The following ADGRG3 variants were observed in gnomAD, a reference collection of about 807,000 sequenced individuals.
ADGRG3 encodes G protein-coupled receptor 97.
A neutral mutation model predicts 54.3 loss-of-function variants in ADGRG3; 39 were observed. The observed-to-expected ratio is 0.72, with a 90% CI of 0.56 to 0.94. ADGRG3 has a LOEUF of 0.94. ADGRG3 is among the 40% of genes least tolerant of loss of function. The pLI, the probability that ADGRG3 is intolerant of heterozygous loss-of-function variation, is 0.00. For missense variants in ADGRG3, 654 were observed against 694.6 expected, an observed-to-expected ratio of 0.94 and a Z score of 0.66; for synonymous variants, 312 against 290.0, an observed-to-expected ratio of 1.08 and a Z score of -0.77.
Position 57,679,844 on chromosome 16 carries a change from A to G in ADGRG3, c.656A>G (p.Asp219Gly). 1 of 1,611,878 alleles carries G rather than the reference A, an allele frequency of 6.2e-7. No individual in the cohort carries two copies. Reference protein sequence around the residue: ...PNMTLTCVFWDVTKGTTGDWS... With the variant: ...PNMTLTCVFWGVTKGTTGDWS... ...ATGACCCTCACCTGTGTATTCTGGGATGTGACTAAAGGTAGGGCCCGGAGG... is the reference window on the plus strand; with the variant it reads ...ATGACCCTCACCTGTGTATTCTGGGGTGTGACTAAAGGTAGGGCCCGGAGG... The change falls in exon 6 of 12, where the codon GAT becomes GGT. Residue 219 changes from aspartate to glycine, a missense_variant. Coordinates refer to ENST00000333493, the MANE Select transcript of ADGRG3 (RefSeq NM_170776.5).
In ADGRG3 at chr16:57,688,594, G is replaced by C; in HGVS notation, c.*133G>C. Reference sequence around the variant, plus strand: ...CTGGGGAGGGAGAGGATGGGACCAGGTTGGACCACGTGGCATCAGAGGTCC... The same window carrying C: ...CTGGGGAGGGAGAGGATGGGACCAGCTTGGACCACGTGGCATCAGAGGTCC... On this transcript the variant is annotated 3_prime_UTR_variant, in exon 12 of 12. Transcript: ENST00000333493. 1.5e-6 allele frequency: 1 copy of C among 676,310 alleles called. No homozygotes were observed. The highest frequency in any genetic ancestry group is 2.7e-6 in the Non-Finnish European group (1 of 370,964). The allele number at this position is 676,310 out of a possible 1,614,324, so 41.9% of individuals were successfully genotyped here. A position where few individuals can be genotyped will look rare whatever the true frequency, so the allele number is the denominator to read the frequency against.
chr16:57,685,653 C>T lies in ADGRG3; in HGVS notation c.1267C>T (p.Arg423Cys), dbSNP rs145744435. Residue 423 changes from arginine to cysteine, a missense_variant, in exon 11 of 12, where the codon CGT becomes TGT. Arg to Cys is a radical substitution (Grantham distance 180). Coordinates refer to ENST00000333493, the MANE Select transcript of ADGRG3 (RefSeq NM_170776.5). ...TGCCCCCTCCTCCAGATGCTGGTTCCGTGAAGGGACAACCATGTACGCCCT... is the reference window on the plus strand; with the variant it reads ...TGCCCCCTCCTCCAGATGCTGGTTCTGTGAAGGGACAACCATGTACGCCCT... ...NRTSLELCWFREGTTMYALYI... is the reference protein window; with the variant it reads ...NRTSLELCWFCEGTTMYALYI... 17 of 1,613,848 alleles carry T rather than the reference C, an allele frequency of 1.1e-5. No homozygotes were observed. The African/African-American group carries it at 1.7e-4, about 16-fold the overall frequency.
At chr16:57,686,871 G>T (rs772205094) in intron 11 of ADGRG3, 1 of 152,274 alleles carries the variant, frequency 6.6e-6, no homozygotes, top group Non-Finnish European at 1.5e-5. Context: ...GGCCCCCGCA[G>T]GGCCCTTCCT....
chr16:57,674,988 TC>T (rs1384767180), intron 2 of ADGRG3, among the ~76,000 whole-genome samples: 2 of 63,336 alleles, frequency 3.2e-5, no homozygotes, highest in Admixed American at 4.3e-4. Flanking sequence ...AGAGTGAGAC[TC>T]CATCTCAAAA....
chr16:57,680,405 G>A (rs144943621), intron 7 of ADGRG3, 40 bp downstream of exon 7: 16 of 1,583,048 alleles, frequency 1.0e-5, no homozygotes, highest in Non-Finnish European at 1.4e-5. Context: ...CATCCCAGGG[G>A]CTTCCAGCTC....
intron 1 of ADGRG3, among the ~76,000 whole-genome samples, chr16:57,670,148 C>G (rs1304957769): frequency 6.6e-6 from 1 of 152,208 alleles, no homozygotes; most frequent in Admixed American, 6.5e-5. Context: ...CTCCAGTCCA[C>G]TTTCCACTTG....
At chr16:57,674,856 C>G (rs2048230231) in intron 2 of ADGRG3, among the ~76,000 whole-genome samples, 1 of 149,878 alleles carries the variant, frequency 6.7e-6, no homozygotes, top group South Asian at 2.1e-4. Context: ...AATTGCCAGG[C>G]TTGGTGACAG....
At position 57,673,407 on chromosome 16, in the gene ADGRG3, T is replaced by A. The variant is rs771205283; in HGVS notation, c.145T>A (p.Leu49Met). ...CATCTTCAACTTGAATGACAAGGCT[T>A]TGTGCTTCACCAAGTGCAGGCAGTC... The part of the protein sequence containing the change: ...YDIFNLNDKA[L>M]CFTKCRQSGS... The change falls in exon 2 of 12, where the codon TTG (leucine) becomes ATG (methionine). Residue 49 changes from leucine (L) to methionine (M), a missense_variant. Leu to Met is a conservative substitution (Grantham distance 15). Coordinates refer to ENST00000333493, the MANE Select transcript of ADGRG3 (RefSeq NM_170776.5). 5.6e-6 allele frequency: 9 copies of A among 1,613,342 alleles called. No individual in the cohort carries two copies. In the South Asian group the frequency reaches 9.9e-5, roughly 18 times the overall value.
At chr16:57,681,371 T>C (rs1249082183) in intron 8 of ADGRG3, among the ~76,000 whole-genome samples, 4 of 84,712 alleles carry the variant, frequency 4.7e-5, no homozygotes, top group Non-Finnish European at 9.5e-5. Context: ...TGTGTGTGTG[T>C]GTGTGCGCGC....
upstream of ADGRG3, among the ~76,000 whole-genome samples, chr16:57,665,996 A>G (rs1369831279): frequency 4.5e-5 from 2 of 44,630 alleles, no homozygotes; most frequent in African/African-American, 1.7e-4. Flanking sequence ...CTCTGTCCCC[A>G]CCTTTCTGCA....
At chr16:57,679,048 G>A in intron 4 of ADGRG3, 129 bp from the exon 5 acceptor site, 2 of 1,075,084 alleles carry the variant, frequency 1.9e-6, no homozygotes, top group Middle Eastern at 2.9e-4. Flanking sequence ...TGGCTCCCTG[G>A]TCCCCTGGTC....
At chr16:57,682,117 C>T (rs2048384238) in intron 8 of ADGRG3, among the ~76,000 whole-genome samples, 1 of 152,218 alleles carries the variant, frequency 6.6e-6, no homozygotes, top group Admixed American at 6.5e-5. Context: ...ACGGGCGTTC[C>T]TTAGGGAAAC....
chr16:57,680,422 T>G, intron 7 of ADGRG3, 57 bp downstream of exon 7: 1 of 1,567,144 alleles, frequency 6.4e-7, no homozygotes, highest in Non-Finnish European at 8.8e-7. Context: ...GCTCCTGCCC[T>G]GGGGAGGGGG....
chr16:57,668,072 A>G (rs987931253), upstream of ADGRG3: 19 of 550,172 alleles, frequency 3.5e-5, no homozygotes, highest in South Asian at 4.0e-4. Flanking sequence ...CGTAGATCCC[A>G]CCCCAGTGGG....
At chr16:57,680,896 C>A (rs1269701229) in intron 8 of ADGRG3, among the ~76,000 whole-genome samples, 1 of 152,154 alleles carries the variant, frequency 6.6e-6, no homozygotes, top group Non-Finnish European at 1.5e-5. Flanking sequence ...AATTGAAAAA[C>A]CCAAGGTGCA....
upstream of ADGRG3, among the ~76,000 whole-genome samples, chr16:57,666,648 G>C (rs958178033): frequency 6.6e-6 from 1 of 152,076 alleles, no homozygotes; most frequent in Non-Finnish European, 1.5e-5. Context: ...CCTGGGGTTG[G>C]GGGGGGTCTC....
Position 57,685,937 on chromosome 16 carries a change from T to C in ADGRG3, c.1540+11T>C. 6.2e-7 allele frequency: 1 copy of C among 1,612,220 alleles called. No homozygotes were observed. Among genetic ancestry groups the C allele is most frequent in the Non-Finnish European group, 8.5e-7 (1 of 1,178,696 alleles). ...TCAACTCCTTGCAAGGTGAGGCCCC[T>C]GCACCAGGGAGGTGATGGGCTGTGT... On this transcript the variant is annotated intron_variant, in intron 11 of 11. Coordinates refer to ENST00000333493, the MANE Select transcript of ADGRG3 (RefSeq NM_170776.5).
intron 5 of ADGRG3, 130 bp from the exon 6 acceptor site, chr16:57,679,686 G>T (rs1187280390): frequency 7.5e-6 from 6 of 796,426 alleles, no homozygotes; most frequent in South Asian, 1.4e-5. Flanking sequence ...TGGCCCATGG[G>T]TGTGAACCTT....
At chr16:57,673,261 C>A in intron 1 of ADGRG3, 60 bp from the exon 2 acceptor site, 2 of 1,540,834 alleles carry the variant, frequency 1.3e-6, no homozygotes, top group South Asian at 2.3e-5. Context: ...TTTCCCTGCT[C>A]CTCATCCTTG....
Sources: gnomAD v4.1 joint callset for allele counts (sites outside exome capture counted in the v4.1 genomes callset) on GRCh38, gnomAD v4.1.1 for gene constraint, MANE v1.5 for transcripts, NCBI Gene and HGNC (gene_info 2026-07-23, HGNC 2026-07-21) for gene names.